CHSY3: variants seen among roughly 807,000 people sequenced by gnomAD.
The protein encoded by CHSY3 is chondroitin sulfate synthase 3, also known as N-acetylgalactosaminyl-proteoglycan 3-beta-glucuronosyltransferase 3.
A neutral mutation model predicts 67.2 loss-of-function variants in CHSY3; 35 were observed. The observed-to-expected ratio is 0.52, with a 90% CI of 0.40 to 0.69. The LOEUF (loss-of-function observed/expected upper bound fraction) is 0.69, where lower values mean the gene tolerates loss of function less well. Ranked by LOEUF, CHSY3 falls within the 30% of genes least tolerant of loss-of-function variation. CHSY3 has a pLI of 0.00. For synonymous variants in CHSY3, 474 were observed against 434.7 expected (o/e 1.09, Z -1.12); for missense variants, 1,069 against 1,138.5 (o/e 0.94, Z 0.88).
intron 2 of CHSY3, among the ~76,000 whole-genome samples, chr5:130,005,099 C>G (rs1040091855): frequency 6.6e-6 from 1 of 151,998 alleles, no homozygotes; most frequent in Non-Finnish European, 1.5e-5. Context: ...GCCAAAAAAC[C>G]TATTATCATT....
chr5:129,992,853 G>A (rs1409525801), intron 2 of CHSY3, among the ~76,000 whole-genome samples: 1 of 152,162 alleles, frequency 6.6e-6, no homozygotes, highest in Non-Finnish European at 1.5e-5. Flanking sequence ...GTCATGCCAT[G>A]TTATGTCAAG....
rs536295338 is a variant in CHSY3 at position 130,161,772 on chromosome 5, G to A, written c.1087-22457G>A. 3.4e-4 allele frequency among the ~76,000 whole-genome samples: 51 copies of A among 151,922 alleles called. No homozygotes were observed. In the South Asian group the frequency reaches 9.1e-3, roughly 27 times the overall value. ...ACTTAGAACTGGCCAGGTACAGTGG[G>A]TCACACCTGTAATCCTAGCACTCTG... On this transcript the variant is annotated intron_variant, in intron 2 of 2. Coordinates refer to ENST00000305031, the MANE Select transcript of CHSY3 (RefSeq NM_175856.5).
intron 2 of CHSY3, among the ~76,000 whole-genome samples, chr5:130,015,672 A>C (rs937794193): frequency 6.6e-6 from 1 of 152,222 alleles, no homozygotes; most frequent in Non-Finnish European, 1.5e-5. Context: ...TGTGGAAAGA[A>C]TTTTAAAGAT....
intron 2 of CHSY3, among the ~76,000 whole-genome samples, chr5:130,025,318 G>A (rs780844772): frequency 1.3e-5 from 2 of 152,086 alleles, no homozygotes; most frequent in Non-Finnish European, 2.9e-5. Flanking sequence ...AGAGTGTTCT[G>A]TGCAAAAGAA....
intron 2 of CHSY3, among the ~76,000 whole-genome samples, chr5:130,095,793 A>G (rs955179331): frequency 6.6e-6 from 1 of 152,226 alleles, no homozygotes; most frequent in Non-Finnish European, 1.5e-5. Context: ...TACAAATGAA[A>G]AAAGTAGTAA....
intron 2 of CHSY3, among the ~76,000 whole-genome samples, chr5:130,178,253 A>ATATATATATTTT (rs1205782386): frequency 1.1e-3 from 49 of 45,896 alleles, no homozygotes; most frequent in Non-Finnish European, 1.2e-3. Context: ...ATATATATAT[A>ATATATATATTTT]TTTTTTTTTT....
chr5:129,991,881 G>T (rs778068798), intron 2 of CHSY3, among the ~76,000 whole-genome samples: 1 of 152,086 alleles, frequency 6.6e-6, no homozygotes, highest in Non-Finnish European at 1.5e-5. Context: ...AGATTTCAGG[G>T]AACATGAAGT....
At chr5:129,915,877 AC>A (rs774765723) in intron 2 of CHSY3, among the ~76,000 whole-genome samples, 14 of 152,292 alleles carry the variant, frequency 9.2e-5, no homozygotes, top group Non-Finnish European at 1.9e-4. Context: ...CGATACTGAG[AC>A]CTGAGAAATC....
intron 2 of CHSY3, among the ~76,000 whole-genome samples, chr5:129,972,947 C>A (rs1302482838): frequency 6.6e-6 from 1 of 151,940 alleles, no homozygotes; most frequent in Non-Finnish European, 1.5e-5. Flanking sequence ...CTTACTTGAT[C>A]TTTAGCCCAC....
intron 2 of CHSY3, among the ~76,000 whole-genome samples, chr5:130,134,028 A>G (rs1182910201): frequency 1.3e-5 from 2 of 152,156 alleles, no homozygotes; most frequent in African/African-American, 4.8e-5. Context: ...GACTTAACGT[A>G]TTATTTACAT....
chr5:129,952,147 G>A (rs1049070267), intron 2 of CHSY3, among the ~76,000 whole-genome samples: 1 of 152,276 alleles, frequency 6.6e-6, no homozygotes, highest in South Asian at 2.1e-4. Flanking sequence ...GACTGATGTT[G>A]GAGGAAGAGT....
At chr5:129,904,161 T>G (rs1581346355), upstream of CHSY3, among the ~76,000 whole-genome samples, 3 of 140,726 alleles carry the variant, frequency 2.1e-5, no homozygotes, top group African/African-American at 2.7e-5. Context: ...GGACGGGAAA[T>G]GGGACGAAGA....
chr5:130,096,680 C>T (rs925502081), intron 2 of CHSY3, among the ~76,000 whole-genome samples: 5 of 151,936 alleles, frequency 3.3e-5, no homozygotes, highest in East Asian at 1.9e-4. Context: ...CTAAGTATGA[C>T]GTAAGGTGTT....
At position 130,182,285 on chromosome 5, in the gene CHSY3, G is replaced by A. The variant is rs923537594; in HGVS notation, c.1087-1944G>A. 3.3e-5 allele frequency among the ~76,000 whole-genome samples: 5 copies of A among 152,088 alleles called. No homozygotes were observed. In the South Asian group the frequency reaches 1.0e-3, roughly 32 times the overall value. ...GTTTTTATATGTCTATTGAGTATTT[G>A]CATACTCTTTTGTGAAGTACTCATT... On this transcript the variant is annotated intron_variant, in intron 2 of 2. Coordinates refer to ENST00000305031, the MANE Select transcript of CHSY3 (RefSeq NM_175856.5).
intron 2 of CHSY3, among the ~76,000 whole-genome samples, chr5:130,107,711 T>C (rs148577378): frequency 1.2e-3 from 181 of 151,748 alleles, no homozygotes; most frequent in African/African-American, 4.1e-3. Context: ...ACAGAATAGA[T>C]ACAAAGTAAA....
intron 2 of CHSY3, among the ~76,000 whole-genome samples, chr5:130,087,741 T>C (rs1580720822): frequency 6.6e-6 from 1 of 151,942 alleles, no homozygotes; most frequent in East Asian, 1.9e-4. Flanking sequence ...TGGAAGAACA[T>C]TCCATGCTCA....
At chr5:129,928,799 A>G (rs895568237) in intron 2 of CHSY3, among the ~76,000 whole-genome samples, 1 of 152,142 alleles carries the variant, frequency 6.6e-6, no homozygotes, top group Non-Finnish European at 1.5e-5. Flanking sequence ...TATTGACCAC[A>G]TTTATGTACC....
At chr5:130,098,656 G>T (rs1359239172) in intron 2 of CHSY3, among the ~76,000 whole-genome samples, 1 of 152,150 alleles carries the variant, frequency 6.6e-6, no homozygotes, top group African/African-American at 2.4e-5. Flanking sequence ...GGTTCTAGAA[G>T]AATTTAGAAT....
intron 2 of CHSY3, among the ~76,000 whole-genome samples, chr5:130,034,333 C>T (rs1209651164): frequency 6.6e-6 from 1 of 152,006 alleles, no homozygotes; most frequent in East Asian, 1.9e-4. Context: ...TATAAACTTC[C>T]TAAGTTATTC....
Sources: gnomAD v4.1 joint callset for allele counts (sites outside exome capture counted in the v4.1 genomes callset) on GRCh38, gnomAD v4.1.1 for gene constraint, MANE v1.5 for transcripts, NCBI Gene and HGNC (gene_info 2026-07-23, HGNC 2026-07-21) for gene names.